Variants in UCHL3 observed in about 807,000 individuals in gnomAD.
UCHL3 encodes ubiquitin C-terminal hydrolase L3, also known as ubiquitin carboxyl-terminal hydrolase isozyme L3.
A neutral mutation model predicts 35.8 loss-of-function variants in UCHL3; 22 were observed. That is an observed-to-expected ratio of 0.61 (90% CI 0.44 to 0.88). The LOEUF (loss-of-function observed/expected upper bound fraction) is 0.88, where lower values mean the gene tolerates loss of function less well. Ranked by LOEUF, UCHL3 falls within the 40% of genes least tolerant of loss-of-function variation. The pLI is 0.00. For synonymous variants in UCHL3, 90 were observed against 92.8 expected, an observed-to-expected ratio of 0.97 and a Z score of 0.17; for missense variants, 229 against 276.9, an observed-to-expected ratio of 0.83 and a Z score of 1.23.
At chr13:75,598,796 G>C (rs1454042687) in intron 7 of UCHL3, among the ~76,000 whole-genome samples, 2 of 152,102 alleles carry the variant, frequency 1.3e-5, no homozygotes, top group Non-Finnish European at 2.9e-5. Context: ...TGCTCATCAA[G>C]CTTTTATCCT....
intron 7 of UCHL3, among the ~76,000 whole-genome samples, chr13:75,600,128 G>C (rs2032741851): frequency 1.3e-5 from 2 of 152,232 alleles, no homozygotes; most frequent in African/African-American, 4.8e-5. Context: ...TTAAGGCTGA[G>C]AGAGGTGAGG....
intron 6 of UCHL3, among the ~76,000 whole-genome samples, chr13:75,588,050 A>G (rs1393263880): frequency 6.6e-6 from 1 of 152,066 alleles, no homozygotes; most frequent in Non-Finnish European, 1.5e-5. Context: ...TGACCCAGGC[A>G]TCTCATGCCT....
chr13:75,566,506 A>C (rs1048860769), intron 3 of UCHL3, among the ~76,000 whole-genome samples, 189 bp from the exon 4 acceptor site: 2 of 152,110 alleles, frequency 1.3e-5, no homozygotes, highest in Admixed American at 1.3e-4. Context: ...CCATACCTTC[A>C]CCTTCACTGG....
At chr13:75,577,306 A>G (rs2032053839) in intron 6 of UCHL3, among the ~76,000 whole-genome samples, 1 of 152,220 alleles carries the variant, frequency 6.6e-6, no homozygotes, top group African/African-American at 2.4e-5. Context: ...CTGAATATAT[A>G]CAGACTTTTT....
chr13:75,558,675 T>C (rs1439593194), intron 2 of UCHL3, among the ~76,000 whole-genome samples: 1 of 152,204 alleles, frequency 6.6e-6, no homozygotes, highest in Non-Finnish European at 1.5e-5. Context: ...TACAGAGGCT[T>C]CACTGATGTA....
At chr13:75,555,582 A>G (rs1169738606) in intron 2 of UCHL3, among the ~76,000 whole-genome samples, 2 of 151,600 alleles carry the variant, frequency 1.3e-5, no homozygotes, top group African/African-American at 2.4e-5. Context: ...TTCAATGAGC[A>G]GCATTCTATC....
intron 2 of UCHL3, among the ~76,000 whole-genome samples, chr13:75,557,942 A>G (rs2031347024): frequency 6.7e-6 from 1 of 148,384 alleles, no homozygotes; most frequent in African/African-American, 2.5e-5. Flanking sequence ...TTTAATTGTA[A>G]AAGTAGGACA....
At chr13:75,594,859 G>A (rs2032602790) in intron 6 of UCHL3, 56 bp from the exon 7 acceptor site, 1 of 1,274,102 alleles carries the variant, frequency 7.8e-7, no homozygotes, top group African/African-American at 1.5e-5. Flanking sequence ...ATGTATACAT[G>A]ACTGATTTGT....
At chr13:75,579,553 CT>C (rs750596431) in intron 6 of UCHL3, among the ~76,000 whole-genome samples, 1 of 152,044 alleles carries the variant, frequency 6.6e-6, no homozygotes, top group East Asian at 1.9e-4. Flanking sequence ...GTCTTCCCTT[CT>C]TTTTTTCCTC....
intron 2 of UCHL3, among the ~76,000 whole-genome samples, chr13:75,555,437 G>A (rs965656217): frequency 4.6e-5 from 7 of 152,148 alleles, no homozygotes; most frequent in East Asian, 1.9e-4. Context: ...GTATGAGAAC[G>A]GTGCCAGGCT....
At chr13:75,579,643 A>C (rs1271408341) in intron 6 of UCHL3, among the ~76,000 whole-genome samples, 1 of 151,958 alleles carries the variant, frequency 6.6e-6, no homozygotes, top group East Asian at 1.9e-4. Context: ...TTAAATTATT[A>C]CTTATTTTAA....
At chr13:75,589,705 A>G (rs1228307343) in intron 6 of UCHL3, among the ~76,000 whole-genome samples, 3 of 152,200 alleles carry the variant, frequency 2.0e-5, no homozygotes, top group Non-Finnish European at 4.4e-5. Flanking sequence ...GGATATGTGA[A>G]TATTATCAAT....
chr13:75,572,954 C>T (rs1337927871), intron 6 of UCHL3, among the ~76,000 whole-genome samples: 1 of 152,122 alleles, frequency 6.6e-6, no homozygotes. Flanking sequence ...TAATATTTTT[C>T]TGATCATCTC....
chr13:75,568,817 G>A lies in UCHL3; in HGVS notation c.427-643G>A, dbSNP rs1178531911. On this transcript the variant is annotated intron_variant, in intron 5 of 8. Coordinates refer to ENST00000377595, the MANE Select transcript of UCHL3 (RefSeq NM_006002.5). ...GAGAAGTTGCTGGATAAAATAGTTT[G>A]CATGTTTTTAAGGCTTGGATATTTA... Among the ~76,000 whole-genome samples, 4 of 152,060 alleles carry A rather than the reference G, an allele frequency of 2.6e-5. No homozygotes were observed. In the East Asian group the frequency reaches 7.7e-4, roughly 29 times the overall value.
intron 3 of UCHL3, among the ~76,000 whole-genome samples, chr13:75,564,882 G>A (rs958149175): frequency 3.3e-5 from 5 of 152,076 alleles, no homozygotes; most frequent in African/African-American, 1.2e-4. Flanking sequence ...CTTCAGTAGA[G>A]ACGGGGTTTC....
chr13:75,603,998 T>TA (rs1205395228), intron 7 of UCHL3, among the ~76,000 whole-genome samples: 2 of 152,010 alleles, frequency 1.3e-5, no homozygotes, highest in Non-Finnish European at 2.9e-5. Flanking sequence ...TTCATTTTTT[T>TA]AAAAAAAATC....
chr13:75,591,821 A>T (rs2032484442), intron 6 of UCHL3, among the ~76,000 whole-genome samples: 1 of 152,118 alleles, frequency 6.6e-6, no homozygotes, highest in African/African-American at 2.4e-5. Flanking sequence ...AGTATCTCTT[A>T]TCCAAAATGC....
At chr13:75,575,991 A>G (rs2032011268) in intron 6 of UCHL3, among the ~76,000 whole-genome samples, 1 of 152,068 alleles carries the variant, frequency 6.6e-6, no homozygotes, top group Non-Finnish European at 1.5e-5. Flanking sequence ...GCTTCAGGTG[A>G]TCTGACTACC....
chr13:75,602,504 G>A (rs2032804434), intron 7 of UCHL3, among the ~76,000 whole-genome samples: 3 of 152,222 alleles, frequency 2.0e-5, no homozygotes, highest in Admixed American at 1.3e-4. Flanking sequence ...TCTTTTAGAA[G>A]GGGCCTGTAA....
Sources: gnomAD v4.1 joint callset for allele counts (sites outside exome capture counted in the v4.1 genomes callset) on GRCh38, gnomAD v4.1.1 for gene constraint, MANE v1.5 for transcripts, NCBI Gene and HGNC (gene_info 2026-07-23, HGNC 2026-07-21) for gene names.